The following DOCK7 variants were observed in gnomAD, a reference collection of about 807,000 sequenced individuals.
The protein encoded by DOCK7 is dedicator of cytokinesis 7.
A neutral mutation model predicts 271.0 loss-of-function variants in DOCK7; 138 were observed. The ratio of observed to expected loss-of-function variants is 0.51; its 90% CI spans 0.44 to 0.59. DOCK7 has a LOEUF of 0.59. Ranked by LOEUF, DOCK7 falls within the 20% of genes least tolerant of loss-of-function variation. The pLI, the probability that DOCK7 is intolerant of heterozygous loss-of-function variation, is 0.00. For synonymous variants in DOCK7, 823 were observed against 876.1 expected (o/e 0.94, Z 1.07); for missense variants, 2,066 against 2,592.4 (o/e 0.80, Z 4.41).
chr1:62,662,551 AG>A (rs1260143136), intron 2 of DOCK7, among the ~76,000 whole-genome samples: 1 of 152,180 alleles, frequency 6.6e-6, no homozygotes, highest in Non-Finnish European at 1.5e-5. Flanking sequence ...TCACAAGGTC[AG>A]GAGTTCAAGA....
At chr1:62,627,297 G>A (rs998258931) in intron 11 of DOCK7, among the ~76,000 whole-genome samples, 9 of 152,132 alleles carry the variant, frequency 5.9e-5, no homozygotes, top group African/African-American at 1.9e-4. Flanking sequence ...GTGAAAGACT[G>A]ATTGCATTTT....
intron 46 of DOCK7, 105 bp from the exon 47 acceptor site, chr1:62,475,456 C>CT: frequency 7.5e-7 from 1 of 1,333,002 alleles, no homozygotes; most frequent in African/African-American, 1.5e-5. Context: ...CAATTGTAAA[C>CT]TTTCATGTAA....
Position 62,598,752 on chromosome 1 carries a change from C to T in DOCK7, c.1683-12128G>A, listed in dbSNP as rs756791560. On this transcript the variant is annotated intron_variant, in intron 14 of 49. Transcript: ENST00000635253. ...AAGACCTTCTCCAGACCGTGGAAGACCAATATAAACAATTAAACCAACAGC... is the reference window on the plus strand; with the variant it reads ...AAGACCTTCTCCAGACCGTGGAAGATCAATATAAACAATTAAACCAACAGC... 5.6e-6 allele frequency: 9 copies of T among 1,611,092 alleles called. No homozygotes were observed. The South Asian group carries it at 7.7e-5, about 14-fold the overall frequency.
intron 11 of DOCK7, among the ~76,000 whole-genome samples, chr1:62,630,885 C>T (rs1322875315): frequency 2.0e-5 from 3 of 151,746 alleles, no homozygotes; most frequent in Non-Finnish European, 4.4e-5. Context: ...ATGAAACAAG[C>T]TTATATAAGA....
chr1:62,466,855 T>G (rs544613156), intron 48 of DOCK7, among the ~76,000 whole-genome samples: 2 of 151,892 alleles, frequency 1.3e-5, no homozygotes, highest in African/African-American at 4.8e-5. Context: ...CGGGAGGCGA[T>G]TGCAGTGGGC....
chr1:62,628,004 T>C (rs993712220), intron 11 of DOCK7: 45 of 152,186 alleles, frequency 3.0e-4, no homozygotes, highest in African/African-American at 9.9e-4. Flanking sequence ...AGTAATTTGG[T>C]ATAGCAGCGG....
At chr1:62,564,118 G>A (rs1197220187) in intron 18 of DOCK7, among the ~76,000 whole-genome samples, 7 of 151,902 alleles carry the variant, frequency 4.6e-5, no homozygotes, top group Non-Finnish European at 4.4e-5. Flanking sequence ...ACACAATAAC[G>A]GTGGGAGACT....
At chr1:62,516,908 T>A (rs148444944) in intron 31 of DOCK7, 1 of 152,548 alleles carries the variant, frequency 6.6e-6, no homozygotes, top group African/African-American at 2.4e-5. Context: ...ATACATAGCT[T>A]ATGTTCTCAT....
intron 34 of DOCK7, among the ~76,000 whole-genome samples, chr1:62,508,443 T>A (rs1471627507): frequency 6.6e-6 from 1 of 152,214 alleles, no homozygotes; most frequent in Non-Finnish European, 1.5e-5. Flanking sequence ...CTATTTCAAA[T>A]ATTTCCAATG....
At chr1:62,644,138 T>C (rs907151304) in intron 7 of DOCK7, among the ~76,000 whole-genome samples, 2 of 152,194 alleles carry the variant, frequency 1.3e-5, no homozygotes, top group African/African-American at 2.4e-5. Flanking sequence ...TTAAGGCCTA[T>C]ATTTTTAAAG....
chr1:62,687,977 G>C (rs1288575714), intron 1 of DOCK7, among the ~76,000 whole-genome samples: 2 of 151,806 alleles, frequency 1.3e-5, no homozygotes, highest in Non-Finnish European at 2.9e-5. Context: ...GCGCGCTGGA[G>C]TCCGCGGCCC....
chr1:62,600,581 G>T (rs1286787455), intron 14 of DOCK7, among the ~76,000 whole-genome samples: 1 of 151,506 alleles, frequency 6.6e-6, no homozygotes, highest in Non-Finnish European at 1.5e-5. Context: ...TATATAGAAA[G>T]TAAGCAAACA....
chr1:62,480,799 GGA>G (rs1646098918), intron 43 of DOCK7, among the ~76,000 whole-genome samples: 1 of 152,166 alleles, frequency 6.6e-6, no homozygotes, highest in Admixed American at 6.5e-5. Flanking sequence ...CACGAGGTCA[GGA>G]GATCGAGACC....
intron 48 of DOCK7, among the ~76,000 whole-genome samples, chr1:62,463,332 G>A (rs576277044): frequency 6.6e-6 from 1 of 152,222 alleles, no homozygotes; most frequent in Non-Finnish European, 1.5e-5. Flanking sequence ...TCAAGTATTG[G>A]TTAGGATATA....
At chr1:62,532,137 T>C (rs1463990468) in intron 29 of DOCK7, among the ~76,000 whole-genome samples, 2 of 152,130 alleles carry the variant, frequency 1.3e-5, no homozygotes, top group Non-Finnish European at 2.9e-5. Flanking sequence ...CAGCTTCAAG[T>C]GATTCTCATG....
At chr1:62,596,042 A>C (rs72649569) in intron 14 of DOCK7, among the ~76,000 whole-genome samples, 3 of 152,192 alleles carry the variant, frequency 2.0e-5, no homozygotes. Context: ...TAACTTTATG[A>C]AAAATTTCTT....
At position 62,623,313 on chromosome 1, in the gene DOCK7, T is replaced by C. The variant is rs755082182; in HGVS notation, c.1425+1946A>G. On this transcript the variant is annotated intron_variant, in intron 12 of 49. Coordinates refer to ENST00000635253, the MANE Select transcript of DOCK7 (RefSeq NM_001367561.1). ...TACAAAAATAGTATATGCTCATGGTTAAAAATTTTTAATACAGAACCATAT... is the reference window on the plus strand; with the variant it reads ...TACAAAAATAGTATATGCTCATGGTCAAAAATTTTTAATACAGAACCATAT... Among the ~76,000 whole-genome samples the C allele has an allele frequency of 3.0e-4, 45 of 152,374 alleles. No individual in the cohort carries two copies. The Middle Eastern group carries it at 0.01, about 35-fold the overall frequency.
chr1:62,596,870 A>G (rs1276069248), intron 14 of DOCK7, among the ~76,000 whole-genome samples: 1 of 152,144 alleles, frequency 6.6e-6, no homozygotes, highest in Non-Finnish European at 1.5e-5. Flanking sequence ...CAGTGGAGAA[A>G]AGGGAGTGAA....
chr1:62,480,637 T>C (rs957425304), intron 43 of DOCK7, among the ~76,000 whole-genome samples: 3 of 152,108 alleles, frequency 2.0e-5, no homozygotes, highest in Non-Finnish European at 4.4e-5. Flanking sequence ...ATACAAATAT[T>C]AGGGAAAGCG....
Sources: gnomAD v4.1 joint callset for allele counts (sites outside exome capture counted in the v4.1 genomes callset) on GRCh38, gnomAD v4.1.1 for gene constraint, MANE v1.5 for transcripts, NCBI Gene and HGNC (gene_info 2026-07-23, HGNC 2026-07-21) for gene names.